Variants in ZFHX3 observed in about 807,000 individuals in gnomAD.
The protein encoded by ZFHX3 is zinc finger homeobox protein 3.
In ZFHX3, 42 loss-of-function variants were observed where a neutral mutation model predicts 279.1. The observed-to-expected ratio is 0.15, with a 90% CI of 0.12 to 0.19. The LOEUF (loss-of-function observed/expected upper bound fraction) is 0.19. Among genes scored for constraint, ZFHX3 ranks in the 10% least tolerant of loss-of-function variants. The pLI, the probability that ZFHX3 is intolerant of heterozygous loss-of-function variation, is 1.00. For synonymous variants in ZFHX3, 2,293 were observed against 1,957.8 expected, an observed-to-expected ratio of 1.17 and a Z score of -4.52; for missense variants, 4,981 against 4,754.0, an observed-to-expected ratio of 1.05 and a Z score of -1.40.
intron 4 of ZFHX3, among the ~76,000 whole-genome samples, chr16:73,273,198 G>A (rs2014200098): frequency 6.6e-6 from 1 of 152,096 alleles, no homozygotes; most frequent in Admixed American, 6.5e-5. Flanking sequence ...CCTGCTACAA[G>A]GAGGAAGTGC....
intron 1 of ZFHX3, among the ~76,000 whole-genome samples, chr16:73,699,066 G>A (rs1463586587): frequency 1.3e-5 from 2 of 152,126 alleles, no homozygotes; most frequent in Non-Finnish European, 2.9e-5. Context: ...TGAATTTTTA[G>A]TAGAGACAAG....
In ZFHX3 at chr16:73,128,985, G is replaced by A. The variant is rs182573161; in HGVS notation, c.-897+1983C>T. Among the ~76,000 whole-genome samples the A allele has an allele frequency of 4.6e-5, 7 of 152,280 alleles. No individual in the cohort carries two copies. The East Asian group carries it at 1.4e-3, about 29-fold the overall frequency. ...TGGGGAGAAAGGGGCATTACACTGAGCAAGTGCCTACTTACTTTGTGCTAA... is the reference window on the plus strand; with the variant it reads ...TGGGGAGAAAGGGGCATTACACTGAACAAGTGCCTACTTACTTTGTGCTAA... On this transcript the variant is annotated intron_variant, in intron 7 of 17. Coordinates refer to the ZFHX3 transcript ENST00000641206.
intron 1 of ZFHX3, among the ~76,000 whole-genome samples, chr16:73,821,230 C>T (rs1329521577): frequency 1.3e-5 from 2 of 152,190 alleles, no homozygotes; most frequent in Non-Finnish European, 2.9e-5. Flanking sequence ...GTCCTGTGAC[C>T]TCTGATTTCC....
chr16:73,788,845 G>A (rs1015613670), intron 1 of ZFHX3, among the ~76,000 whole-genome samples: 3 of 151,522 alleles, frequency 2.0e-5, no homozygotes, highest in African/African-American at 4.8e-5. Flanking sequence ...GTGCCGGCAC[G>A]TGCCTGTAGT....
rs2035400174 is a variant in ZFHX3, at chr16:72,786,877, C to T, written c.*287G>A. On this transcript the variant is annotated 3_prime_UTR_variant, in exon 10 of 10. Coordinates refer to ENST00000268489, the MANE Select transcript of ZFHX3 (RefSeq NM_006885.4). ...AAAGACATTAGGGAGGCCCTGCGGACTTCTGTTTCCCAGACCAATAGTACC... is the reference window on the plus strand; with the variant it reads ...AAAGACATTAGGGAGGCCCTGCGGATTTCTGTTTCCCAGACCAATAGTACC... 1 of 188,706 alleles carries T rather than the reference C, an allele frequency of 5.3e-6. No individual in the cohort carries two copies. Among genetic ancestry groups the T allele is most frequent in the African/African-American group, 2.4e-5 (1 of 42,304 alleles). The allele number at this position is 188,706 out of a possible 1,614,324, so 11.7% of individuals were successfully genotyped here.
At chr16:73,878,873 T>G (rs2030042832) in intron 1 of ZFHX3, among the ~76,000 whole-genome samples, 1 of 151,464 alleles carries the variant, frequency 6.6e-6, no homozygotes, top group Non-Finnish European at 1.5e-5. Flanking sequence ...AGAGCTAGTT[T>G]AAAAGGCTGA....
At chr16:72,951,012 C>A in intron 2 of ZFHX3, 47 bp from the exon 3 acceptor site, 2 of 1,581,280 alleles carry the variant, frequency 1.3e-6, no homozygotes, top group South Asian at 2.3e-5. Flanking sequence ...GGCTCATGGT[C>A]ACGGCCACAG....
At chr16:72,816,439 G>C (rs2036608107) in intron 5 of ZFHX3, among the ~76,000 whole-genome samples, 1 of 152,198 alleles carries the variant, frequency 6.6e-6, no homozygotes, top group African/African-American at 2.4e-5. Context: ...ATAAAGCTAG[G>C]TAAATGGGAT....
At chr16:73,800,388 T>C (rs1960109631) in intron 1 of ZFHX3, among the ~76,000 whole-genome samples, 1 of 152,102 alleles carries the variant, frequency 6.6e-6, no homozygotes, top group Admixed American at 6.6e-5. Flanking sequence ...GGCTAATTTT[T>C]GTATTTTTAG....
At chr16:73,721,523 C>A (rs2053473621) in intron 1 of ZFHX3, among the ~76,000 whole-genome samples, 1 of 152,174 alleles carries the variant, frequency 6.6e-6, no homozygotes, top group Non-Finnish European at 1.5e-5. Context: ...GAGCTAGGAT[C>A]TGAATCTGTA....
At position 73,879,213 on chromosome 16, in the gene ZFHX3, GT is replaced by G. The variant is rs1200062630; in HGVS notation, c.-1608+12437del. Among the ~76,000 whole-genome samples the G allele has an allele frequency of 6.3e-5, 9 of 142,060 alleles. No homozygotes were observed. In the East Asian group the frequency reaches 1.0e-3, roughly 16 times the overall value. The allele number at this position is 142,060 out of a possible 152,430, so 93.2% of individuals were successfully genotyped here. ...TGTGTTAGCATTTGCTCTGCAAAAGGTTTTTTTTTTCTTTTTTAATACCTAA... is the reference window on the plus strand; with the variant it reads ...TGTGTTAGCATTTGCTCTGCAAAAGGTTTTTTTTTCTTTTTTAATACCTAA... On this transcript the variant is annotated intron_variant, in intron 1 of 17. Transcript: ENST00000641206.
intron 1 of ZFHX3, among the ~76,000 whole-genome samples, chr16:73,832,679 C>G (rs1452107034): frequency 1.3e-5 from 2 of 152,126 alleles, no homozygotes; most frequent in African/African-American, 4.8e-5. Flanking sequence ...TCCCAAAATG[C>G]TGGGATTACA....
intron 3 of ZFHX3, among the ~76,000 whole-genome samples, chr16:73,330,072 C>A (rs542046557): frequency 6.6e-6 from 1 of 152,240 alleles, no homozygotes; most frequent in African/African-American, 2.4e-5. Flanking sequence ...AGACCTTTGA[C>A]AAGCCCAGAG....
intron 4 of ZFHX3, among the ~76,000 whole-genome samples, chr16:73,266,197 A>G (rs556864490): frequency 1.4e-4 from 21 of 152,342 alleles, no homozygotes; most frequent in African/African-American, 5.0e-4. Context: ...GCCTGTATCC[A>G]GTGGGCAGTT....
At chr16:73,714,049 GC>G (rs1482213430) in intron 1 of ZFHX3, among the ~76,000 whole-genome samples, 3 of 152,096 alleles carry the variant, frequency 2.0e-5, no homozygotes, top group Non-Finnish European at 4.4e-5. Context: ...CTGACCCGCG[GC>G]ACACTGGGCT....
intron 2 of ZFHX3, among the ~76,000 whole-genome samples, chr16:73,507,644 C>A (rs963825033): frequency 6.6e-6 from 1 of 151,818 alleles, no homozygotes; most frequent in Non-Finnish European, 1.5e-5. Context: ...TACAGGTACA[C>A]GCCACCATGC....
chr16:73,191,622 C>A (rs907002086), intron 5 of ZFHX3, among the ~76,000 whole-genome samples: 1 of 152,198 alleles, frequency 6.6e-6, no homozygotes, highest in Admixed American at 6.5e-5. Flanking sequence ...CTCGATTTTT[C>A]CCCCCAGATT....
At chr16:72,915,848 G>A (rs1308773423) in intron 3 of ZFHX3, among the ~76,000 whole-genome samples, 1 of 152,060 alleles carries the variant, frequency 6.6e-6, no homozygotes, top group African/African-American at 2.4e-5. Flanking sequence ...TTATTAATAA[G>A]TTAATCTCTG....
At chr16:73,841,680 C>G (rs1246358819) in intron 1 of ZFHX3, among the ~76,000 whole-genome samples, 1 of 152,118 alleles carries the variant, frequency 6.6e-6, no homozygotes, top group Non-Finnish European at 1.5e-5. Flanking sequence ...TGGAGAAGAG[C>G]AGAGGCACGG....
Sources: gnomAD v4.1 joint callset for allele counts (sites outside exome capture counted in the v4.1 genomes callset) on GRCh38, gnomAD v4.1.1 for gene constraint, MANE v1.5 for transcripts, NCBI Gene and HGNC (gene_info 2026-07-23, HGNC 2026-07-21) for gene names.